Variants in SENP6 observed in about 807,000 individuals in gnomAD.
SENP6 encodes SUMO specific peptidase 6.
SENP6 carries 41 observed loss-of-function variants against 134.5 expected under a neutral mutation model. That is an observed-to-expected ratio of 0.30 (90% CI 0.24 to 0.40). The LOEUF is 0.40. Ranked by LOEUF, SENP6 falls within the 10% of genes least tolerant of loss-of-function variation. SENP6 has a pLI of 1.00. For missense variants in SENP6, 1,248 were observed against 1,312.5 expected (o/e 0.95, Z 0.76); for synonymous variants, 395 against 429.8 (o/e 0.92, Z 1.00).
rs1245963034 is a variant in SENP6 at position 75,624,255 on chromosome 6, G to A, written c.207+295G>A. Among the ~76,000 whole-genome samples, 3 of 152,012 alleles carry A rather than the reference G, an allele frequency of 2.0e-5. No individual in the cohort carries two copies. In the East Asian group the frequency reaches 5.8e-4, roughly 29 times the overall value. On this transcript the variant is annotated intron_variant, in intron 3 of 23. Coordinates refer to ENST00000447266, the MANE Select transcript of SENP6 (RefSeq NM_015571.4). ...GACCATCTGTAAGAGTTCATAAAAA[G>A]CACCTCATTGTTTTCAGTGAGTGCA...
At chr6:75,631,779 C>G (rs1769131192) in intron 3 of SENP6, among the ~76,000 whole-genome samples, 1 of 152,198 alleles carries the variant, frequency 6.6e-6, no homozygotes, top group South Asian at 2.1e-4. Flanking sequence ...TAGCCCTTGG[C>G]AGAAAAAGTT....
chr6:75,604,476 C>A (rs886925419), intron 1 of SENP6, among the ~76,000 whole-genome samples: 1 of 151,834 alleles, frequency 6.6e-6, no homozygotes, highest in Admixed American at 6.6e-5. Context: ...ACTAAAAATA[C>A]AAAAATTAGC....
At chr6:75,668,371 A>C (rs1453425160) in intron 10 of SENP6, among the ~76,000 whole-genome samples, 1 of 152,218 alleles carries the variant, frequency 6.6e-6, no homozygotes, top group Non-Finnish European at 1.5e-5. Context: ...AGGTAGATGC[A>C]AATGGAAAAA....
chr6:75,684,974 T>C (rs1294521656), intron 16 of SENP6, among the ~76,000 whole-genome samples: 1 of 152,242 alleles, frequency 6.6e-6, no homozygotes, highest in Non-Finnish European at 1.5e-5. Flanking sequence ...GAAGGAATGA[T>C]ACCAGCTCCT....
chr6:75,677,848 A>G (rs1318638581), intron 14 of SENP6: 5 of 152,292 alleles, frequency 3.3e-5, no homozygotes, highest in African/African-American at 4.8e-5. Context: ...CTCTAAGTTT[A>G]TTTCCTATTA....
chr6:75,638,618 ATATATTTTTTTT>A (rs1561993188), intron 5 of SENP6, among the ~76,000 whole-genome samples: 25 of 34,490 alleles, frequency 7.2e-4, no homozygotes, highest in African/African-American at 9.1e-4. Context: ...ATATATATAT[ATATATTTTTTTT>A]TTTTTTTTTT....
chr6:75,715,718 G>A lies in SENP6; in HGVS notation c.*124G>A. 1 of 646,136 alleles carries A rather than the reference G, an allele frequency of 1.5e-6. No homozygotes were observed. Among genetic ancestry groups the A allele is most frequent in the East Asian group, 2.8e-5 (1 of 35,330 alleles). 40.0% of individuals were successfully genotyped at this position (646,136 alleles called of 1,614,324 possible). A position where few individuals can be genotyped will look rare whatever the true frequency, so the allele number is the denominator to read the frequency against. ...TGGAAATTTTGATGCTTGTATAAAT[G>A]TCAGATAATTAATTTCCAAAGGCGT... On this transcript the variant is annotated 3_prime_UTR_variant, in exon 24 of 24. Transcript: ENST00000447266.
At chr6:75,698,026 A>G (rs943935406) in intron 18 of SENP6, 1 of 152,476 alleles carries the variant, frequency 6.6e-6, no homozygotes, top group African/African-American at 2.4e-5. Context: ...ATGACTAGAT[A>G]GTAGTATTTT....
chr6:75,649,559 C>T (rs1476369209), intron 7 of SENP6, among the ~76,000 whole-genome samples: 1 of 152,014 alleles, frequency 6.6e-6, no homozygotes, highest in African/African-American at 2.4e-5. Context: ...ACTCTGTAGC[C>T]CAGGCTGGAA....
intron 16 of SENP6, among the ~76,000 whole-genome samples, chr6:75,687,889 C>T (rs1460673399): frequency 6.6e-6 from 1 of 152,230 alleles, no homozygotes; most frequent in African/African-American, 2.4e-5. Flanking sequence ...TGTCCGTTCT[C>T]AGAGCTCAGA....
Position 75,675,461 on chromosome 6 carries a change from G to T in SENP6, c.1419G>T (p.Gln473His), listed in dbSNP as rs769613186. 6.9e-7 allele frequency: 1 copy of T among 1,453,840 alleles called. No homozygotes were observed. Among genetic ancestry groups the T allele is most frequent in the Non-Finnish European group, 9.5e-7 (1 of 1,057,162 alleles). The allele number at this position is 1,453,840 out of a possible 1,614,324, so 90.1% of individuals were successfully genotyped here. Residue 473 changes from glutamine (Q) to histidine (H), a missense_variant, in exon 12 of 24, where the codon CAG (glutamine) becomes CAT (histidine). Gln to His is a conservative substitution (Grantham distance 24, BLOSUM62 0). Transcript: ENST00000447266. ...VIFCLDFIKI[Q>H]LDEPDHDPVE... ...TTTGTTTAGATTTTATCAAGATACA[G>T]CTAGACGGTAAGCTATTTTATGTCT...
At chr6:75,643,687 A>C in intron 6 of SENP6, among the ~76,000 whole-genome samples, 1 of 152,180 alleles carries the variant, frequency 6.6e-6, no homozygotes, top group East Asian at 1.9e-4. Flanking sequence ...GTGCCACTGC[A>C]CTCCAGCCTG....
chr6:75,701,633 C>CTTTTTT lies in SENP6; in HGVS notation c.2289-994_2289-989dup, dbSNP rs60715314. Among the ~76,000 whole-genome samples the CTTTTTT allele has an allele frequency of 1.2e-3, 98 of 80,124 alleles. 1 individual carries two copies. In the East Asian group the frequency reaches 0.014, roughly 11 times the overall value. 52.6% of individuals were successfully genotyped at this position (80,124 alleles called of 152,430 possible). On this transcript the variant is annotated intron_variant, in intron 18 of 23. Transcript: ENST00000447266. Reference sequence around the variant, plus strand: ...ATTAGACTGCTGAAGACAGTTTAATCTTTTTTTTTTTTTTTTTTTTTTTGG... The same window carrying CTTTTTT: ...ATTAGACTGCTGAAGACAGTTTAATCTTTTTTTTTTTTTTTTTTTTTTTTTTTTTGG...
intron 1 of SENP6, among the ~76,000 whole-genome samples, chr6:75,614,538 T>G (rs974966363): frequency 1.3e-5 from 2 of 152,198 alleles, no homozygotes; most frequent in Non-Finnish European, 2.9e-5. Context: ...AGTGCTAGGA[T>G]TACAGGCGTG....
intron 16 of SENP6, among the ~76,000 whole-genome samples, chr6:75,683,971 T>G (rs929335912): frequency 3.3e-5 from 5 of 152,232 alleles, no homozygotes; most frequent in African/African-American, 1.2e-4. Context: ...ACATTGAATC[T>G]ATACATTACT....
Position 75,666,126 on chromosome 6 carries a change from A to G in SENP6, c.995-586A>G, listed in dbSNP as rs181343502. On this transcript the variant is annotated intron_variant, in intron 9 of 23. Transcript: ENST00000447266. Reference sequence around the variant, plus strand: ...TATAAAATGTATATATGATATATATAAAACGTATATATGATATATATAAAA... The same window carrying G: ...TATAAAATGTATATATGATATATATGAAACGTATATATGATATATATAAAA... Among the ~76,000 whole-genome samples, 662 of 140,768 alleles carry G rather than the reference A, an allele frequency of 4.7e-3. 5 individuals carry two copies. Among genetic ancestry groups the G allele is most frequent in the South Asian group, 0.047 (214 of 4,582 alleles). The allele number at this position is 140,768 out of a possible 152,430, so 92.3% of individuals were successfully genotyped here. A position where few individuals can be genotyped will look rare whatever the true frequency, so the allele number is the denominator to read the frequency against.
chr6:75,603,582 T>C (rs142945540), intron 1 of SENP6, among the ~76,000 whole-genome samples: 34 of 152,336 alleles, frequency 2.2e-4, no homozygotes, highest in African/African-American at 7.9e-4. Flanking sequence ...TCTTTTAGTA[T>C]GTTTCGGAAA....
intron 6 of SENP6, chr6:75,647,481 C>T (rs1770542121): frequency 3.6e-6 from 1 of 279,126 alleles, no homozygotes; most frequent in Non-Finnish European, 6.9e-6. Flanking sequence ...GAATTGTCCT[C>T]AAGACAATCT....
intron 16 of SENP6, among the ~76,000 whole-genome samples, chr6:75,693,018 C>T (rs1185409095): frequency 6.6e-6 from 1 of 152,186 alleles, no homozygotes; most frequent in East Asian, 1.9e-4. Context: ...CTGCAGTGAG[C>T]CACTATGTCC....
Sources: gnomAD v4.1 joint callset for allele counts (sites outside exome capture counted in the v4.1 genomes callset) on GRCh38, gnomAD v4.1.1 for gene constraint, MANE v1.5 for transcripts, NCBI Gene and HGNC (gene_info 2026-07-23, HGNC 2026-07-21) for gene names.